DOCK2: variants seen among roughly 807,000 people sequenced by gnomAD.
The protein encoded by DOCK2 is dedicator of cytokinesis 2.
In DOCK2, 87 loss-of-function variants were observed where a neutral mutation model predicts 248.9. The observed-to-expected ratio is 0.35, with a 90% CI of 0.29 to 0.42. The LOEUF is 0.42. DOCK2 is among the 10% of genes least tolerant of loss of function. The pLI, the probability that DOCK2 is intolerant of heterozygous loss-of-function variation, is 1.00. For synonymous variants in DOCK2, 805 were observed against 821.6 expected (o/e 0.98, Z 0.35); for missense variants, 1,747 against 2,300.2 (o/e 0.76, Z 4.92).
intron 25 of DOCK2, among the ~76,000 whole-genome samples, chr5:169,784,126 T>A (rs201064121): frequency 4.8e-4 from 6 of 12,380 alleles, no homozygotes; most frequent in South Asian, 9.2e-3. Context: ...ATTTCATTGA[T>A]TTTTTTTTTT....
At chr5:170,029,291 C>T (rs1756040423) in intron 34 of DOCK2, among the ~76,000 whole-genome samples, 1 of 152,132 alleles carries the variant, frequency 6.6e-6, no homozygotes, top group Non-Finnish European at 1.5e-5. Flanking sequence ...AAAATGATAT[C>T]TCATTGTGGT....
At chr5:170,070,162 C>T (rs1050325250) in intron 46 of DOCK2, among the ~76,000 whole-genome samples, 1 of 152,240 alleles carries the variant, frequency 6.6e-6, no homozygotes, top group East Asian at 1.9e-4. Flanking sequence ...GGGGTGGGCT[C>T]CGGAGGGCAG....
At chr5:169,889,222 G>A (rs1237486294) in intron 27 of DOCK2, among the ~76,000 whole-genome samples, 1 of 152,338 alleles carries the variant, frequency 6.6e-6, no homozygotes, top group South Asian at 2.1e-4. Context: ...AACTAATTAA[G>A]AGTGAAGGAA....
chr5:170,064,690 ACATATC>A (rs147081732), intron 44 of DOCK2, among the ~76,000 whole-genome samples: 37,834 of 151,826 alleles, frequency 0.25, 5,226 homozygotes, highest in African/African-American at 0.36. Context: ...GGAACAGAGA[ACATATC>A]CAAAGAAATG....
At chr5:169,658,843 A>C (rs1156374988) in intron 2 of DOCK2, among the ~76,000 whole-genome samples, 1 of 151,742 alleles carries the variant, frequency 6.6e-6, no homozygotes, top group Non-Finnish European at 1.5e-5. Flanking sequence ...CCAGGAGTTT[A>C]AGACTAACAA....
intron 1 of DOCK2, among the ~76,000 whole-genome samples, chr5:169,648,058 G>T (rs1757571844): frequency 1.3e-5 from 2 of 152,174 alleles, no homozygotes. Flanking sequence ...GTGTGCATGT[G>T]TGAGTGCAAG....
rs111351472 is a variant in DOCK2 at position 169,964,221 on chromosome 5, C to T, written c.2800-18847C>T. On this transcript the variant is annotated intron_variant, in intron 27 of 51. Transcript: ENST00000520908. ...AGAATTACATTCTGTGCTTTATCCT[C>T]GGTGACCACAGGCCTTTTCTTAGCC... 3.5e-3 allele frequency among the ~76,000 whole-genome samples: 527 copies of T among 152,248 alleles called. 1 individual carries two copies. The highest frequency in any genetic ancestry group is 0.012 in the African/African-American group (497 of 41,524).
chr5:169,902,597 C>T (rs1431437169), intron 27 of DOCK2, among the ~76,000 whole-genome samples: 9 of 152,212 alleles, frequency 5.9e-5, no homozygotes, highest in South Asian at 2.1e-4. Flanking sequence ...GACTGCACCC[C>T]GCTGAGGCTC....
intron 26 of DOCK2, among the ~76,000 whole-genome samples, chr5:169,838,928 T>C (rs561300262): frequency 6.6e-6 from 1 of 152,276 alleles, no homozygotes; most frequent in Admixed American, 6.5e-5. Flanking sequence ...AGTAAGCACA[T>C]CTTCTTTCTT....
rs1246112877 is a variant in DOCK2 at position 169,837,210 on chromosome 5, A to G, written c.2704-3547A>G. 2.6e-5 allele frequency among the ~76,000 whole-genome samples: 4 copies of G among 152,206 alleles called. No homozygotes were observed. In the East Asian group the frequency reaches 7.7e-4, roughly 29 times the overall value. On this transcript the variant is annotated intron_variant, in intron 26 of 51. Coordinates refer to ENST00000520908, the MANE Select transcript of DOCK2 (RefSeq NM_004946.3). Reference sequence around the variant, plus strand: ...TTTGCAGTGTGTTTAGGTTGGATGGATTAATTTCTTTGCCAAGGCCATAAT... The same window carrying G: ...TTTGCAGTGTGTTTAGGTTGGATGGGTTAATTTCTTTGCCAAGGCCATAAT...
At chr5:169,676,823 C>T (rs1202156400) in intron 6 of DOCK2, among the ~76,000 whole-genome samples, 1 of 152,174 alleles carries the variant, frequency 6.6e-6, no homozygotes, top group East Asian at 1.9e-4. Context: ...ACTTTCTTTG[C>T]ACACCTGGTA....
At chr5:170,026,635 C>A (rs895449376) in intron 33 of DOCK2, among the ~76,000 whole-genome samples, 1 of 152,100 alleles carries the variant, frequency 6.6e-6, no homozygotes, top group Non-Finnish European at 1.5e-5. Context: ...TAGTAAAAAC[C>A]ATTTTGCAAC....
chr5:169,650,875 G>T (rs541273242), intron 1 of DOCK2, among the ~76,000 whole-genome samples: 1 of 152,200 alleles, frequency 6.6e-6, no homozygotes, highest in South Asian at 2.1e-4. Context: ...AGGGCTTGGC[G>T]ACCTGGCACG....
chr5:169,943,489 T>C (rs1230860294), intron 27 of DOCK2, among the ~76,000 whole-genome samples: 1 of 152,180 alleles, frequency 6.6e-6, no homozygotes, highest in East Asian at 1.9e-4. Flanking sequence ...TTTTAGGGCC[T>C]CTCTTGAGAA....
At chr5:169,907,807 A>T (rs770879490) in intron 27 of DOCK2, among the ~76,000 whole-genome samples, 17 of 152,232 alleles carry the variant, frequency 1.1e-4, no homozygotes, top group Non-Finnish European at 1.9e-4. Context: ...GTCTGGAGAC[A>T]TTTTTGTTTG....
At chr5:169,969,464 A>C (rs1777422537) in intron 27 of DOCK2, among the ~76,000 whole-genome samples, 1 of 152,210 alleles carries the variant, frequency 6.6e-6, no homozygotes. Flanking sequence ...AGAAAAAAGA[A>C]AAAAATGAAT....
At chr5:170,022,518 C>T (rs1355758145) in intron 33 of DOCK2, among the ~76,000 whole-genome samples, 2 of 152,150 alleles carry the variant, frequency 1.3e-5, no homozygotes, top group South Asian at 2.1e-4. Context: ...TCTCGGGGGT[C>T]TCTGTCCATT....
intron 42 of DOCK2, 158 bp from the exon 43 acceptor site, chr5:170,056,526 G>A (rs542126814): frequency 3.2e-5 from 18 of 571,120 alleles, no homozygotes; most frequent in East Asian, 1.2e-4. Context: ...TCACTCTTAC[G>A]GAGCCCAGAA....
chr5:169,736,037 T>A (rs141089007), intron 22 of DOCK2, among the ~76,000 whole-genome samples: 2,052 of 152,144 alleles, frequency 0.013, 39 homozygotes, highest in African/African-American at 0.046. Context: ...CCAGATCTTA[T>A]GAGAACTCAC....
Sources: gnomAD v4.1 joint callset for allele counts (sites outside exome capture counted in the v4.1 genomes callset) on GRCh38, gnomAD v4.1.1 for gene constraint, MANE v1.5 for transcripts, NCBI Gene and HGNC (gene_info 2026-07-23, HGNC 2026-07-21) for gene names.